The following FCHO2 variants were observed in gnomAD, a reference collection of about 807,000 sequenced individuals.
FCHO2 encodes the protein F-BAR domain only protein 2.
A neutral mutation model predicts 114.1 loss-of-function variants in FCHO2; 43 were observed. The observed-to-expected ratio is 0.38, with a 90% CI of 0.30 to 0.49. The LOEUF is 0.49. Among genes scored for constraint, FCHO2 ranks in the 20% least tolerant of loss-of-function variants. The pLI is 0.97. For synonymous variants in FCHO2, 293 were observed against 315.2 expected, an observed-to-expected ratio of 0.93 and a Z score of 0.75; for missense variants, 807 against 950.4, an observed-to-expected ratio of 0.85 and a Z score of 1.98.
intron 8 of FCHO2, among the ~76,000 whole-genome samples, chr5:73,033,325 A>T (rs972353844): frequency 6.6e-6 from 1 of 152,172 alleles, no homozygotes; most frequent in African/African-American, 2.4e-5. Flanking sequence ...TCTGCTTATT[A>T]GTAAATGTTA....
intron 8 of FCHO2, among the ~76,000 whole-genome samples, chr5:73,030,597 TG>T (rs1292242607): frequency 6.6e-6 from 1 of 152,240 alleles, no homozygotes; most frequent in Non-Finnish European, 1.5e-5. Context: ...TATCTACCAG[TG>T]GCCACAGAGT....
intron 19 of FCHO2, among the ~76,000 whole-genome samples, chr5:73,070,109 C>A (rs368241706): frequency 6.6e-6 from 1 of 151,986 alleles, no homozygotes; most frequent in South Asian, 2.1e-4. Context: ...AAATCAGAAA[C>A]CCTGGGAGTG....
At chr5:73,011,031 T>C (rs1203187222) in intron 6 of FCHO2, among the ~76,000 whole-genome samples, 1 of 152,156 alleles carries the variant, frequency 6.6e-6, no homozygotes, top group African/African-American at 2.4e-5. Flanking sequence ...CTGTAGGCAG[T>C]TATAACAAAA....
At chr5:72,989,675 G>C (rs768412203) in intron 3 of FCHO2, among the ~76,000 whole-genome samples, 174 bp downstream of exon 3, 5 of 152,230 alleles carry the variant, frequency 3.3e-5, no homozygotes, top group Non-Finnish European at 7.4e-5. Context: ...TGAACTTGCT[G>C]AATCAGTCAA....
intron 23 of FCHO2, 39 bp downstream of exon 23, chr5:73,082,021 T>C (rs1325583824): frequency 2.2e-6 from 3 of 1,386,980 alleles, no homozygotes; most frequent in East Asian, 2.6e-5. Flanking sequence ...CACTAAATTT[T>C]TGTTGCAATC....
At chr5:72,964,679 C>T (rs958707373) in intron 1 of FCHO2, among the ~76,000 whole-genome samples, 67 of 152,144 alleles carry the variant, frequency 4.4e-4, no homozygotes, top group African/African-American at 1.6e-3. Flanking sequence ...TGAGCTACCG[C>T]GCCTGAGCAT....
At chr5:72,964,180 A>G (rs772264446) in intron 1 of FCHO2, among the ~76,000 whole-genome samples, 15 of 152,100 alleles carry the variant, frequency 9.9e-5, no homozygotes, top group Admixed American at 3.9e-4. Flanking sequence ...AACCCATATA[A>G]TATTTATTTA....
chr5:72,996,666 G>C (rs574242015), intron 5 of FCHO2, among the ~76,000 whole-genome samples: 54 of 152,066 alleles, frequency 3.6e-4, no homozygotes, highest in African/African-American at 1.3e-3. Flanking sequence ...CGAAGCTGTT[G>C]GTGCCACTCC....
intron 17 of FCHO2, among the ~76,000 whole-genome samples, chr5:73,061,441 T>C (rs1757848721): frequency 6.6e-6 from 1 of 152,140 alleles, no homozygotes; most frequent in Non-Finnish European, 1.5e-5. Flanking sequence ...TCTAGAATTT[T>C]CCTTTTGCTT....
At chr5:73,046,680 G>T (rs567131654) in intron 11 of FCHO2, among the ~76,000 whole-genome samples, 1 of 152,164 alleles carries the variant, frequency 6.6e-6, no homozygotes, top group African/African-American at 2.4e-5. Context: ...TATTTTTAAA[G>T]TATTTTAAAG....
chr5:72,994,036 G>A (rs1032902705), intron 5 of FCHO2, among the ~76,000 whole-genome samples: 1 of 152,094 alleles, frequency 6.6e-6, no homozygotes, highest in African/African-American at 2.4e-5. Flanking sequence ...AAAAACTCTG[G>A]AAGACACCTG....
Position 72,956,060 on chromosome 5 carries a change from C to A in FCHO2, c.-37C>A, listed in dbSNP as rs755385817. 6 of 1,536,798 alleles carry A rather than the reference C, an allele frequency of 3.9e-6. No individual in the cohort carries two copies. The highest frequency in any genetic ancestry group is 2.4e-5 in the South Asian group (2 of 82,324). ...CGGGCCGTGTTTACACAGCGGCGGG[C>A]GGGCGCGGACGCGGAACCCGGCGCG... On this transcript the variant is annotated 5_prime_UTR_variant, in exon 1 of 26. Transcript: ENST00000430046.
At chr5:73,009,828 C>T (rs1204877558) in intron 6 of FCHO2, among the ~76,000 whole-genome samples, 1 of 152,174 alleles carries the variant, frequency 6.6e-6, no homozygotes, top group East Asian at 1.9e-4. Flanking sequence ...GGCACCGTGC[C>T]AGCCCATTCT....
At chr5:72,962,632 C>A (rs774379668) in intron 1 of FCHO2, among the ~76,000 whole-genome samples, 2 of 152,090 alleles carry the variant, frequency 1.3e-5, no homozygotes, top group Non-Finnish European at 2.9e-5. Flanking sequence ...CAGTGGCTCA[C>A]GCCTGTAATC....
At chr5:73,005,829 A>G (rs1307693627) in intron 5 of FCHO2, among the ~76,000 whole-genome samples, 4 of 152,192 alleles carry the variant, frequency 2.6e-5, no homozygotes, top group South Asian at 2.1e-4. Flanking sequence ...AACCAGAACT[A>G]TACTATTATG....
chr5:72,964,691 C>G (rs770241710), intron 1 of FCHO2, among the ~76,000 whole-genome samples: 3 of 152,110 alleles, frequency 2.0e-5, no homozygotes, highest in Admixed American at 2.0e-4. Flanking sequence ...CCTGAGCATT[C>G]TATATATTTT....
Position 72,968,605 on chromosome 5 carries a change from A to G in FCHO2, c.125+16A>G, listed in dbSNP as rs749712535. On this transcript the variant is annotated intron_variant, in intron 2 of 25. Coordinates refer to ENST00000430046, the MANE Select transcript of FCHO2 (RefSeq NM_138782.3). ...TAAGGGAACGGTATGTATTTTTTAA[A>G]TAAGTAATTTGTTTAACAACTTAAT... The G allele has an allele frequency of 6.8e-7, 1 of 1,480,624 alleles. No individual in the cohort carries two copies. The highest frequency in any genetic ancestry group is 9.0e-7 in the Non-Finnish European group (1 of 1,116,888). The allele number at this position is 1,480,624 out of a possible 1,614,324, so 91.7% of individuals were successfully genotyped here. A position where few individuals can be genotyped will look rare whatever the true frequency, so the allele number is the denominator to read the frequency against.
chr5:73,058,880 T>A (rs980410675), intron 17 of FCHO2, among the ~76,000 whole-genome samples: 1 of 152,164 alleles, frequency 6.6e-6, no homozygotes, highest in African/African-American at 2.4e-5. Context: ...AATTTTCTAG[T>A]ATTATGAACA....
chr5:72,956,059 G>A lies in FCHO2; in HGVS notation c.-38G>A. On this transcript the variant is annotated 5_prime_UTR_variant, in exon 1 of 26. Transcript: ENST00000430046. ...CCGGGCCGTGTTTACACAGCGGCGG[G>A]CGGGCGCGGACGCGGAACCCGGCGC... 4.5e-6 allele frequency: 7 copies of A among 1,538,476 alleles called. No individual in the cohort carries two copies. The highest frequency in any genetic ancestry group is 2.4e-5 in the South Asian group (2 of 82,420).
Sources: gnomAD v4.1 joint callset for allele counts (sites outside exome capture counted in the v4.1 genomes callset) on GRCh38, gnomAD v4.1.1 for gene constraint, MANE v1.5 for transcripts, NCBI Gene and HGNC (gene_info 2026-07-23, HGNC 2026-07-21) for gene names.